Variants in JMY observed in about 807,000 individuals in gnomAD.
JMY encodes junction mediating and regulatory protein, p53 cofactor.
In JMY, 46 loss-of-function variants were observed where a neutral mutation model predicts 103.3. The observed-to-expected ratio is 0.45, with a 90% confidence interval of 0.35 to 0.57. The LOEUF (loss-of-function observed/expected upper bound fraction) is 0.57, where lower values mean the gene tolerates loss of function less well. Among genes scored for constraint, JMY ranks in the 20% least tolerant of loss-of-function variants. The pLI, the probability that JMY is intolerant of heterozygous loss-of-function variation, is 0.00. For missense variants in JMY, 1,238 were observed against 1,255.2 expected, an observed-to-expected ratio of 0.99 and a Z score of 0.21; for synonymous variants, 526 against 489.3, an observed-to-expected ratio of 1.07 and a Z score of -0.99.
At chr5:79,270,180 CTA>C (rs1403109197) in intron 1 of JMY, among the ~76,000 whole-genome samples, 2 of 151,504 alleles carry the variant, frequency 1.3e-5, no homozygotes, top group East Asian at 3.9e-4. Flanking sequence ...ACTTTCAGTA[CTA>C]TGTTAAATAG....
At chr5:79,251,016 G>A (rs939354961) in intron 1 of JMY, among the ~76,000 whole-genome samples, 1 of 151,940 alleles carries the variant, frequency 6.6e-6, no homozygotes, top group African/African-American at 2.4e-5. Flanking sequence ...GATTTTCAAA[G>A]GATCCAGATT....
intron 1 of JMY, among the ~76,000 whole-genome samples, chr5:79,240,231 G>C (rs1477163474): frequency 6.6e-6 from 1 of 152,000 alleles, no homozygotes. Context: ...GGCCAAGCTG[G>C]TCTCGAACTC....
chr5:79,236,992 C>T lies in JMY; in HGVS notation c.342C>T (p.Gly114=), dbSNP rs1744531188. ...GGAGCTCGGCCTGGGCGGAGGGCGG[C>T]TCTCCTCGGAGCACTCGCAGCCTTC... ...PRRSSAWAEG[G]SPRSTRSLLG... Residue 114 remains glycine, a synonymous_variant, in exon 1 of 11, where the codon GGC becomes GGT. Transcript: ENST00000396137. 1.4e-6 allele frequency: 2 copies of T among 1,465,650 alleles called. No homozygotes were observed. The highest frequency in any genetic ancestry group is 1.8e-6 in the Non-Finnish European group (2 of 1,111,040). 90.8% of individuals were successfully genotyped at this position (1,465,650 alleles called of 1,614,324 possible).
chr5:79,297,862 AG>A (rs1164005701), intron 4 of JMY, among the ~76,000 whole-genome samples: 7 of 152,170 alleles, frequency 4.6e-5, no homozygotes, highest in Admixed American at 1.3e-4. Context: ...CAAAAAATTG[AG>A]GGTGAGGTCA....
chr5:79,281,353 ATTTT>A (rs35881012), intron 2 of JMY, among the ~76,000 whole-genome samples: 2,598 of 116,726 alleles, frequency 0.022, 91 homozygotes, highest in African/African-American at 0.077. Context: ...CAAGAAATTA[ATTTT>A]TTTTTTTTTT....
chr5:79,276,559 G>C lies in JMY; in HGVS notation c.1033-1351G>C, dbSNP rs146148235. Among the ~76,000 whole-genome samples, 36 of 152,228 alleles carry C rather than the reference G, an allele frequency of 2.4e-4. No individual in the cohort carries two copies. The East Asian group carries it at 6.8e-3, about 29-fold the overall frequency. On this transcript the variant is annotated intron_variant, in intron 1 of 10. Transcript: ENST00000396137. Reference sequence around the variant, plus strand: ...TCATGCCTCAGCCTCCCATAGCTGGGACTATCAGCTAATTTTTACATTTTT... The same window carrying C: ...TCATGCCTCAGCCTCCCATAGCTGGCACTATCAGCTAATTTTTACATTTTT...
At chr5:79,279,333 CAA>C (rs1427059163) in intron 2 of JMY, among the ~76,000 whole-genome samples, 1 of 152,050 alleles carries the variant, frequency 6.6e-6, no homozygotes, top group East Asian at 1.9e-4. Context: ...GACTCTGTCT[CAA>C]AAATAAAATT....
intron 1 of JMY, among the ~76,000 whole-genome samples, chr5:79,254,197 T>C (rs1262032078): frequency 6.6e-6 from 1 of 151,928 alleles, no homozygotes; most frequent in Non-Finnish European, 1.5e-5. Context: ...TCGTTCGTGA[T>C]CTGCCCGCCT....
rs1341498145 is a variant in JMY at position 79,237,142 on chromosome 5, C to T, written c.492C>T (p.Ala164=). ...TSEADDAAGA[A]AAAARPAPRE... ...AAGCCGACGATGCGGCGGGGGCAGC[C>T]GCTGCAGCAGCCCGGCCGGCGCCCA... The change falls in exon 1 of 11, where the codon GCC becomes GCT. Residue 164 remains alanine (A), a synonymous_variant. Coordinates refer to ENST00000396137, the MANE Select transcript of JMY (RefSeq NM_152405.5). 7.1e-6 allele frequency: 11 copies of T among 1,547,628 alleles called. No homozygotes were observed. Among genetic ancestry groups the T allele is most frequent in the Non-Finnish European group, 8.7e-6 (10 of 1,145,588 alleles).
At chr5:79,285,432 G>T (rs962309506) in intron 2 of JMY, among the ~76,000 whole-genome samples, 3 of 152,250 alleles carry the variant, frequency 2.0e-5, no homozygotes, top group African/African-American at 7.2e-5. Context: ...ATTGTGCAGG[G>T]TGCAGTTTTT....
chr5:79,245,272 A>T (rs1723413260), intron 1 of JMY, among the ~76,000 whole-genome samples: 1 of 152,162 alleles, frequency 6.6e-6, no homozygotes, highest in South Asian at 2.1e-4. Flanking sequence ...ATAGTAGTAT[A>T]GGCACTGGGA....
At chr5:79,237,970 A>T (rs1409819118) in intron 1 of JMY, among the ~76,000 whole-genome samples, 3 of 152,066 alleles carry the variant, frequency 2.0e-5, no homozygotes, top group Non-Finnish European at 4.4e-5. Flanking sequence ...AGCCACTAAG[A>T]AAAGTGTTCT....
chr5:79,253,442 G>A (rs1745148777), intron 1 of JMY, among the ~76,000 whole-genome samples: 3 of 152,036 alleles, frequency 2.0e-5, no homozygotes, highest in South Asian at 4.2e-4. Flanking sequence ...ACAGGCATCC[G>A]CCACCAAGCC....
At chr5:79,288,312 C>G (rs1481558584) in intron 2 of JMY, among the ~76,000 whole-genome samples, 2 of 152,300 alleles carry the variant, frequency 1.3e-5, no homozygotes, top group South Asian at 2.1e-4. Flanking sequence ...GGCTTTTGCT[C>G]AGATTGCTCC....
intron 4 of JMY, among the ~76,000 whole-genome samples, chr5:79,294,944 T>C (rs1456534341): frequency 6.6e-6 from 1 of 152,218 alleles, no homozygotes; most frequent in African/African-American, 2.4e-5. Flanking sequence ...AATTCCTTGA[T>C]AATTTCTCTG....
chr5:79,276,457 T>C (rs1332565318), intron 1 of JMY, among the ~76,000 whole-genome samples: 1 of 151,646 alleles, frequency 6.6e-6, no homozygotes, highest in African/African-American at 2.4e-5. Context: ...TGAGACAAGG[T>C]CTCACTTCGT....
chr5:79,249,901 T>G (rs2112050957), intron 1 of JMY, among the ~76,000 whole-genome samples: 2 of 152,272 alleles, frequency 1.3e-5, no homozygotes, highest in Middle Eastern at 6.8e-3. Context: ...ACTTCTACTT[T>G]CCACTAGCTT....
At chr5:79,300,022 G>A in intron 4 of JMY, 131 bp from the exon 5 acceptor site, 1 of 536,894 alleles carries the variant, frequency 1.9e-6, no homozygotes, top group Non-Finnish European at 3.2e-6. Flanking sequence ...TAGATTCCAT[G>A]CCTACAAGTT....
rs117164551 is a variant in JMY, at chr5:79,287,100, T to C, written c.1207-3021T>C. Among the ~76,000 whole-genome samples, 27 of 152,178 alleles carry C rather than the reference T, an allele frequency of 1.8e-4. No individual in the cohort carries two copies. The East Asian group carries it at 5.2e-3, about 29-fold the overall frequency. ...GAGGATTCAGTACTGAGGGGTTGGT[T>C]TGTCTTGGGGGTTGTACTATGAGCC... On this transcript the variant is annotated intron_variant, in intron 2 of 10. Coordinates refer to ENST00000396137, the MANE Select transcript of JMY (RefSeq NM_152405.5).
Sources: allele counts gnomAD v4.1 joint callset (sites outside exome capture counted in the v4.1 genomes callset), GRCh38; gene constraint gnomAD v4.1.1; transcripts MANE v1.5; gene names NCBI Gene and HGNC (gene_info 2026-07-23, HGNC 2026-07-21).